The following ACSL4 variants were observed in gnomAD, a reference collection of about 807,000 sequenced individuals.
ACSL4 encodes acyl-CoA synthetase long chain family member 4, also known as long-chain-fatty-acid--CoA ligase 4.
Under a neutral mutation model 49.1 loss-of-function variants are expected in ACSL4, and 9 were observed. That is an observed-to-expected ratio of 0.18 (90% confidence interval 0.11 to 0.32). The LOEUF is 0.32. Ranked by LOEUF, ACSL4 falls within the 10% of genes least tolerant of loss-of-function variation. The probability of loss-of-function intolerance (pLI) is 1.00; values close to 1 mark genes in which losing one functional copy is unlikely to be tolerated. For missense variants in ACSL4, 333 were observed against 493.7 expected, an observed-to-expected ratio of 0.67 and a Z score of 3.08; for synonymous variants, 191 against 170.3, an observed-to-expected ratio of 1.12 and a Z score of -0.95.
intron 1 of ACSL4, among the ~76,000 whole-genome samples, chrX:109,717,812 C>T (rs150092001): frequency 0.018 from 2,036 of 110,673 alleles, 33 homozygotes; most frequent in African/African-American, 0.062. Flanking sequence ...TTTTGCTTAT[C>T]TCTGGTGGTA....
At chrX:109,682,979 G>A in intron 3 of ACSL4, 83 bp from the exon 4 acceptor site, 2 of 1,074,706 alleles carry the variant, frequency 1.9e-6, no homozygotes, top group Admixed American at 4.9e-5. Flanking sequence ...CTCTAAAAAT[G>A]CTCTTAAATG....
At chrX:109,666,069 A>G (rs1001850533) in intron 11 of ACSL4, among the ~76,000 whole-genome samples, 1 of 112,451 alleles carries the variant, frequency 8.9e-6, no homozygotes, top group African/African-American at 3.2e-5. Flanking sequence ...ACAAATATTT[A>G]TGGACAGCCC....
chrX:109,728,529 A>T (rs189678996), intron 1 of ACSL4, among the ~76,000 whole-genome samples: 57 of 112,556 alleles, frequency 5.1e-4, no homozygotes, highest in African/African-American at 1.7e-3. Context: ...GTTGCATTTG[A>T]CAGCCTGGTG....
intron 9 of ACSL4, among the ~76,000 whole-genome samples, chrX:109,671,251 G>A (rs1387472362): frequency 9.0e-6 from 1 of 110,877 alleles, no homozygotes; most frequent in African/African-American, 3.3e-5. Flanking sequence ...CATCTGAGAT[G>A]TGAAGAGCGC....
intron 2 of ACSL4, among the ~76,000 whole-genome samples, chrX:109,686,969 G>A (rs959768510): frequency 2.7e-5 from 3 of 112,077 alleles, no homozygotes; most frequent in Admixed American, 9.5e-5. Context: ...AAAGCAAAAA[G>A]CATAGCTGCT....
intron 1 of ACSL4, among the ~76,000 whole-genome samples, chrX:109,707,098 A>G (rs565997956): frequency 8.9e-6 from 1 of 112,470 alleles, no homozygotes; most frequent in African/African-American, 3.2e-5. Flanking sequence ...TTCAGAAAGG[A>G]AAAATATATT....
intron 13 of ACSL4, 77 bp downstream of exon 13, chrX:109,663,134 T>C: frequency 1.1e-6 from 1 of 918,491 alleles, no homozygotes; most frequent in Non-Finnish European, 1.5e-6. Flanking sequence ...ACTTTATTAA[T>C]GACTGATCAA....
chrX:109,703,466 T>A (rs778901601), intron 1 of ACSL4, among the ~76,000 whole-genome samples: 56 of 111,730 alleles, frequency 5.0e-4, no homozygotes, highest in African/African-American at 1.0e-3. Context: ...TTATTTTTTT[T>A]AAAAAAGTAA....
chrX:109,672,223 G>C (rs1254186364), intron 9 of ACSL4, among the ~76,000 whole-genome samples: 1 of 106,522 alleles, frequency 9.4e-6, no homozygotes, highest in African/African-American at 3.4e-5. Context: ...TCATTCCCTA[G>C]CAGGACTTGA....
At chrX:109,729,742 T>C (rs751511408) in intron 1 of ACSL4, among the ~76,000 whole-genome samples, 3 of 112,068 alleles carry the variant, frequency 2.7e-5, no homozygotes, top group African/African-American at 9.7e-5. Flanking sequence ...CAAACTGCAG[T>C]AAATCCATAT....
chrX:109,653,239 C>G (rs1422088743), intron 15 of ACSL4, among the ~76,000 whole-genome samples: 2 of 111,480 alleles, frequency 1.8e-5, no homozygotes, highest in Non-Finnish European at 3.8e-5. Flanking sequence ...AAATGCAAAT[C>G]AAAACTACAA....
intron 1 of ACSL4, among the ~76,000 whole-genome samples, chrX:109,725,471 C>A (rs1927901191): frequency 1.8e-5 from 2 of 111,490 alleles, no homozygotes. Context: ...GAGTATAAAA[C>A]CCTTTTAGAT....
At chrX:109,719,677 G>A (rs1205671162) in intron 1 of ACSL4, among the ~76,000 whole-genome samples, 1 of 112,148 alleles carries the variant, frequency 8.9e-6, no homozygotes, top group Non-Finnish European at 1.9e-5. Flanking sequence ...TTCTTTGGGG[G>A]AATGTTTCCT....
intron 6 of ACSL4, among the ~76,000 whole-genome samples, chrX:109,678,884 T>C (rs1466983686): frequency 1.8e-5 from 2 of 112,374 alleles, no homozygotes; most frequent in East Asian, 2.8e-4. Context: ...TTCTGGATGT[T>C]TAACCTAATC....
At chrX:109,724,779 G>T (rs1927836268) in intron 1 of ACSL4, among the ~76,000 whole-genome samples, 1 of 109,862 alleles carries the variant, frequency 9.1e-6, no homozygotes, top group Admixed American at 9.8e-5. Context: ...GGGTGTGGTG[G>T]TGGGCACCTG....
chrX:109,675,591 T>TC (rs1400258115), intron 8 of ACSL4, among the ~76,000 whole-genome samples: 1 of 111,569 alleles, frequency 9.0e-6, no homozygotes, highest in Non-Finnish European at 1.9e-5. Flanking sequence ...AGCAACAGAC[T>TC]CCAACTGTCC....
At chrX:109,728,689 C>T in intron 1 of ACSL4, among the ~76,000 whole-genome samples, 1 of 112,039 alleles carries the variant, frequency 8.9e-6, no homozygotes. Flanking sequence ...AAATAGCTTA[C>T]AGAAATAATG....
intron 1 of ACSL4, among the ~76,000 whole-genome samples, chrX:109,703,715 T>TGAGGTCAGGAGTTC (rs1412715623): frequency 1.8e-5 from 2 of 111,781 alleles, no homozygotes; most frequent in African/African-American, 6.5e-5. Flanking sequence ...GCAGAACACT[T>TGAGGTCAGGAGTTC]GAGGTCAGGA....
At chrX:109,683,065 C>T (rs763609984) in intron 3 of ACSL4, 71 bp downstream of exon 3, 22 of 1,105,260 alleles carry the variant, frequency 2.0e-5, no homozygotes, top group Admixed American at 1.7e-4. Context: ...ACTTAAAACG[C>T]ACTCGATTTA....
Sources: allele counts gnomAD v4.1 joint callset (sites outside exome capture counted in the v4.1 genomes callset), GRCh38; gene constraint gnomAD v4.1.1; transcripts MANE v1.5; gene names NCBI Gene and HGNC (gene_info 2026-07-23, HGNC 2026-07-21).